Variants in BCAR1 observed in about 807,000 individuals in gnomAD.
The protein encoded by BCAR1 is BCAR1 scaffold protein, Cas family member.
Under a neutral mutation model 67.6 loss-of-function variants are expected in BCAR1, and 30 were observed. The observed-to-expected ratio is 0.44, with a 90% CI of 0.33 to 0.60. BCAR1 has a LOEUF of 0.60. Among genes scored for constraint, BCAR1 ranks in the 20% least tolerant of loss-of-function variants. The pLI is 0.02. For synonymous variants in BCAR1, 626 were observed against 556.7 expected (o/e 1.12, Z -1.75); for missense variants, 1,313 against 1,222.3 (o/e 1.07, Z -1.11).
At chr16:75,264,084 C>A (rs1038558614) in intron 1 of BCAR1, 12 of 1,244,840 alleles carry the variant, frequency 9.6e-6, no homozygotes, top group African/African-American at 1.5e-5. Context: ...TGTGGCCAGG[C>A]TGCAGGTCCC....
chr16:75,265,676 C>T (rs2151487111), intron 1 of BCAR1: 2 of 910,898 alleles, frequency 2.2e-6, no homozygotes, highest in Non-Finnish European at 2.8e-6. Context: ...CTCCCCCAGC[C>T]GGTGCGCTCT....
At chr16:75,245,746 C>T (rs1041721518) in intron 1 of BCAR1, among the ~76,000 whole-genome samples, 11 of 152,150 alleles carry the variant, frequency 7.2e-5, no homozygotes, top group South Asian at 6.2e-4. Flanking sequence ...GAGCTCTGGA[C>T]GCTGCTGGTA....
intron 1 of BCAR1, among the ~76,000 whole-genome samples, chr16:75,260,884 A>T (rs1413902069): frequency 6.6e-6 from 1 of 152,160 alleles, no homozygotes; most frequent in African/African-American, 2.4e-5. Context: ...TTTCTGGGAT[A>T]ATTCTTCCTC....
chr16:75,228,181 T>C lies in BCAR1; in HGVS notation c.*1330A>G, dbSNP rs1337322259. ...TCTGTGTAAAACACAAATAAAGCCA[T>C]TGAGAGCAACTGCATACACCTTTAC... On this transcript the variant is annotated 3_prime_UTR_variant, in exon 7 of 7. Coordinates refer to ENST00000162330, the MANE Select transcript of BCAR1 (RefSeq NM_014567.5). 2 of 152,212 alleles carry C rather than the reference T, an allele frequency of 1.3e-5. No homozygotes were observed. The highest frequency in any genetic ancestry group is 4.8e-5 in the African/African-American group (2 of 41,432). 9.4% of individuals were successfully genotyped at this position (152,212 alleles called of 1,614,324 possible).
intron 1 of BCAR1, chr16:75,264,502 T>C (rs1035925462): frequency 7.0e-7 from 1 of 1,436,514 alleles, no homozygotes; most frequent in African/African-American, 1.4e-5. Flanking sequence ...GGCAGGCATG[T>C]TCTGTCTTCC....
chr16:75,238,448 C>T, intron 2 of BCAR1: 3 of 1,023,910 alleles, frequency 2.9e-6, no homozygotes, highest in Non-Finnish European at 3.5e-6. Context: ...CAGCCCCTCC[C>T]CCGGGCCCAG....
chr16:75,232,089 G>T (rs2076918512), intron 6 of BCAR1, among the ~76,000 whole-genome samples: 1 of 151,900 alleles, frequency 6.6e-6, no homozygotes, highest in Non-Finnish European at 1.5e-5. Context: ...TCTCCATGTT[G>T]GTCAGGCTGG....
At chr16:75,253,749 G>A (rs1219947886), upstream of BCAR1, among the ~76,000 whole-genome samples, 1 of 151,648 alleles carries the variant, frequency 6.6e-6, no homozygotes, top group Non-Finnish European at 1.5e-5. Flanking sequence ...GCTGGGGGGT[G>A]GGGGAGGAGC....
chr16:75,267,601 G>C (rs549879702), intron 1 of BCAR1, among the ~76,000 whole-genome samples: 2 of 151,178 alleles, frequency 1.3e-5, no homozygotes, highest in South Asian at 4.2e-4. Context: ...CCACCACCCT[G>C]GCCCTCTCCT....
At chr16:75,243,167 T>C in intron 1 of BCAR1, 77 bp from the exon 2 acceptor site, 1 of 1,422,942 alleles carries the variant, frequency 7.0e-7, no homozygotes, top group Non-Finnish European at 9.5e-7. Flanking sequence ...CCTGCCCTGC[T>C]CTGGGGAGGT....
chr16:75,256,903 C>G (rs1263431549), intron 1 of BCAR1, among the ~76,000 whole-genome samples: 2 of 152,208 alleles, frequency 1.3e-5, no homozygotes, highest in Non-Finnish European at 2.9e-5. Flanking sequence ...ACCAGCGGCA[C>G]CCCTGTGTGC....
chr16:75,241,237 G>A (rs980219237), intron 2 of BCAR1, among the ~76,000 whole-genome samples: 4 of 152,200 alleles, frequency 2.6e-5, no homozygotes, highest in Non-Finnish European at 4.4e-5. Context: ...ATGTGTGGGC[G>A]TATACGTGTG....
At chr16:75,267,402 G>GA (rs1021504325) in intron 1 of BCAR1, among the ~76,000 whole-genome samples, 4 of 145,654 alleles carry the variant, frequency 2.7e-5, no homozygotes, top group African/African-American at 1.1e-4. Flanking sequence ...GCCGGGGGGG[G>GA]GGTGGGGGGC....
chr16:75,251,511 C>A lies in BCAR1; in HGVS notation c.-29G>T. Reference sequence around the variant, plus strand: ...GTCCGGCGGGCCTGGGGCCCCGGCTCTCGCGGGGGCGCACACCGAGCTGCC... The same window carrying A: ...GTCCGGCGGGCCTGGGGCCCCGGCTATCGCGGGGGCGCACACCGAGCTGCC... On this transcript the variant is annotated 5_prime_UTR_variant, in exon 1 of 7. Coordinates refer to ENST00000162330, the MANE Select transcript of BCAR1 (RefSeq NM_014567.5). 7.6e-7 allele frequency: 1 copy of A among 1,322,602 alleles called. No homozygotes were observed. Among genetic ancestry groups the A allele is most frequent in the Non-Finnish European group, 9.7e-7 (1 of 1,033,980 alleles). The allele number at this position is 1,322,602 out of a possible 1,614,324, so 81.9% of individuals were successfully genotyped here.
At chr16:75,266,165 C>T (rs968100440) in intron 1 of BCAR1, 57 of 398,838 alleles carry the variant, frequency 1.4e-4, no homozygotes, top group Non-Finnish European at 1.0e-4. Context: ...CCAGTCGCAC[C>T]AGCTCTGGGT....
intron 1 of BCAR1, among the ~76,000 whole-genome samples, chr16:75,261,600 T>C (rs979935509): frequency 2.0e-5 from 3 of 152,236 alleles, no homozygotes; most frequent in East Asian, 1.9e-4. Context: ...ATAGATGCGA[T>C]GGGGCCAGCT....
At position 75,235,155 on chromosome 16, in the gene BCAR1, A is replaced by T. The variant is rs1470691112; in HGVS notation, c.1744T>A (p.Cys582Ser). ...TLEDLDRLVACSRAVPEDAKQ... is the reference protein window; with the variant it reads ...TLEDLDRLVASSRAVPEDAKQ... ...GCGTCCTCGGGCACAGCCCGCGAGC[A>T]GGCCACCAGCCGGTCCAGGTCCTCA... The change falls in exon 5 of 7, where the codon TGC becomes AGC. Residue 582 changes from cysteine (C) to serine (S), a missense_variant. Around this residue, in one of 2 missense-constraint regions of BCAR1, gnomAD observed 1,272 missense variants for 1,137.5 expected, o/e 1.12. Coordinates refer to ENST00000162330, the MANE Select transcript of BCAR1 (RefSeq NM_014567.5). 5 of 1,608,716 alleles carry T rather than the reference A, an allele frequency of 3.1e-6. No homozygotes were observed. In the African/African-American group the frequency reaches 4.0e-5, roughly 13 times the overall value.
At chr16:75,238,799 C>T (rs978858434) in intron 2 of BCAR1, 8 of 985,436 alleles carry the variant, frequency 8.1e-6, no homozygotes, top group African/African-American at 1.7e-5. Flanking sequence ...CAGGGACCTG[C>T]CAACAGCGGG....
Position 75,235,834 on chromosome 16 carries a change from G to T in BCAR1, c.1065C>A (p.Ser355=). Residue 355 remains serine (S), a synonymous_variant, in exon 5 of 7, where the codon TCC becomes TCA. Coordinates refer to ENST00000162330, the MANE Select transcript of BCAR1 (RefSeq NM_014567.5). ...PLVLAAPPPD[S]PPAEDVYDVP... is the part of the protein sequence containing the mutation. ...CGTCATACACGTCCTCGGCCGGCGG[G>T]GAGTCTGGAGGGGGCGCAGCCAGTA... The T allele has an allele frequency of 6.4e-7, 1 of 1,574,602 alleles. No homozygotes were observed. Among genetic ancestry groups the T allele is most frequent in the Middle Eastern group, 1.7e-4 (1 of 5,992 alleles).
Sources: gnomAD v4.1 joint callset for allele counts (sites outside exome capture counted in the v4.1 genomes callset) on GRCh38, gnomAD v4.1.1 for gene constraint, gnomAD v4.1.1 regional missense constraint, MANE v1.5 for transcripts, NCBI Gene and HGNC (gene_info 2026-07-23, HGNC 2026-07-21) for gene names.